The following SMARCA5 variants were observed in gnomAD, a reference collection of about 807,000 sequenced individuals.
SMARCA5 encodes the protein SWI/SNF-related matrix-associated actin-dependent regulator of chromatin subfamily A member 5.
Under a neutral mutation model 140.4 loss-of-function variants are expected in SMARCA5, and 18 were observed. That is an observed-to-expected ratio of 0.13 (90% CI 0.09 to 0.19). The LOEUF (loss-of-function observed/expected upper bound fraction) is 0.19. Among genes scored for constraint, SMARCA5 ranks in the 10% least tolerant of loss-of-function variants. The pLI, the probability that SMARCA5 is intolerant of heterozygous loss-of-function variation, is 1.00. For missense variants in SMARCA5, 606 were observed against 1,276.8 expected, an observed-to-expected ratio of 0.47 and a Z score of 8.01; for synonymous variants, 449 against 419.6, an observed-to-expected ratio of 1.07 and a Z score of -0.86.
At position 143,555,574 on chromosome 4, in the gene SMARCA5, T is replaced by G; in HGVS notation, c.*2390T>G. The G allele has an allele frequency of 1.6e-5, 5 of 308,856 alleles. No individual in the cohort carries two copies. The highest frequency in any genetic ancestry group is 2.5e-5 in the Non-Finnish European group (4 of 160,842). The allele number at this position is 308,856 out of a possible 1,614,324, so 19.1% of individuals were successfully genotyped here. Reference sequence around the variant, plus strand: ...TCATGATACTGAATAAATGTCTTTTTTTTTTTTTAACAACAAAGCATGAAA... The same window carrying G: ...TCATGATACTGAATAAATGTCTTTTGTTTTTTTTAACAACAAAGCATGAAA... On this transcript the variant is annotated 3_prime_UTR_variant, in exon 24 of 24. Coordinates refer to ENST00000283131, the MANE Select transcript of SMARCA5 (RefSeq NM_003601.4).
intron 19 of SMARCA5, 86 bp from the exon 20 acceptor site, chr4:143,546,690 T>C (rs781005828): frequency 1.3e-4 from 175 of 1,308,216 alleles, no homozygotes; most frequent in Non-Finnish European, 1.8e-4. Context: ...AAAATTTGTT[T>C]TTGTAATATT....
Position 143,556,965 on chromosome 4 carries a change from C to G in SMARCA5, c.*3781C>G, listed in dbSNP as rs1417346782. ...ATGAAGAAGTGGAATAGTTTCTCCA[C>G]AGGCATAAGAGGCAAAGCATTGTTT... On this transcript the variant is annotated 3_prime_UTR_variant, in exon 24 of 24. Transcript: ENST00000283131. The G allele has an allele frequency of 6.6e-6, 1 of 152,230 alleles. No homozygotes were observed. The highest frequency in any genetic ancestry group is 1.5e-5 in the Non-Finnish European group (1 of 68,046). 9.4% of individuals were successfully genotyped at this position (152,230 alleles called of 1,614,324 possible). A position where few individuals can be genotyped will look rare whatever the true frequency, so the allele number is the denominator to read the frequency against.
chr4:143,536,701 T>C, intron 11 of SMARCA5, 23 bp downstream of exon 11: 1 of 1,515,656 alleles, frequency 6.6e-7, no homozygotes, highest in South Asian at 1.1e-5. Context: ...CGTATCAAAT[T>C]ATCAAAACTG....
At chr4:143,517,301 G>A (rs1736860511) in intron 1 of SMARCA5, 54 bp from the exon 2 acceptor site, 1 of 1,324,330 alleles carries the variant, frequency 7.6e-7, no homozygotes, top group Non-Finnish European at 1.1e-6. Flanking sequence ...GGTCTATAAT[G>A]GTATGTTTAC....
Position 143,543,671 on chromosome 4 carries a change from T to C in SMARCA5, c.2052+14T>C, listed in dbSNP as rs2149823929. ...GGTGCAAAGAAGGTGAGATGTAGAT[T>C]AAATAATGCTTTTAATATAGAATGT... On this transcript the variant is annotated intron_variant, in intron 15 of 23. Transcript: ENST00000283131. 1 of 1,599,874 alleles carries C rather than the reference T, an allele frequency of 6.3e-7. No individual in the cohort carries two copies. The highest frequency in any genetic ancestry group is 1.1e-5 in the South Asian group (1 of 89,776).
In SMARCA5 at chr4:143,540,755, G is replaced by T. The variant is rs375209569; in HGVS notation, c.1903+260G>T. On this transcript the variant is annotated intron_variant, in intron 14 of 23. Transcript: ENST00000283131. Reference sequence around the variant, plus strand: ...GTTACATGAACCCATTTCCTCATCTGTTAAGTGGGGATAAAAATAACTACA... The same window carrying T: ...GTTACATGAACCCATTTCCTCATCTTTTAAGTGGGGATAAAAATAACTACA... Among the ~76,000 whole-genome samples, 6 of 152,280 alleles carry T rather than the reference G, an allele frequency of 3.9e-5. No homozygotes were observed. In the South Asian group the frequency reaches 1.2e-3, roughly 32 times the overall value.
rs1182926124 is a variant in SMARCA5 at position 143,513,920 on chromosome 4, ACAT to A, written c.-1_2del. ...GGCAGCAGCGGGTGACGCAGACGGA[ACAT>A]CATGTCGTCCGCGGCCGAGCCTCCG... On this transcript the variant is annotated 5_prime_UTR_variant, in exon 1 of 24. Coordinates refer to ENST00000283131, the MANE Select transcript of SMARCA5 (RefSeq NM_003601.4). 26 of 1,541,748 alleles carry A rather than the reference ACAT, an allele frequency of 1.7e-5. No homozygotes were observed. The highest frequency in any genetic ancestry group is 2.3e-5 in the Non-Finnish European group (26 of 1,150,602).
At chr4:143,515,352 A>G (rs758486327) in intron 1 of SMARCA5, among the ~76,000 whole-genome samples, 2 of 152,136 alleles carry the variant, frequency 1.3e-5, no homozygotes, top group Admixed American at 6.5e-5. Context: ...GATTAAGATA[A>G]GATTACTTCC....
chr4:143,523,208 G>A (rs978453599), intron 3 of SMARCA5, among the ~76,000 whole-genome samples: 7 of 152,016 alleles, frequency 4.6e-5, no homozygotes, highest in African/African-American at 1.7e-4. Flanking sequence ...TGTATTTTTG[G>A]TAGAGATGGG....
rs773110501 is a variant in SMARCA5, at chr4:143,543,948, A to T, written c.2148A>T (p.Gly716=). The T allele has an allele frequency of 1.9e-6, 3 of 1,586,070 alleles. No homozygotes were observed. The South Asian group carries it at 3.5e-5, about 19-fold the overall frequency. Residue 716 remains glycine, a synonymous_variant, in exon 16 of 24, where the codon GGA becomes GGT. Transcript: ENST00000283131. ...DTESSVYNFE[G]EDYREKQKIA... Reference sequence around the variant, plus strand: ...AGTCAAGTGTTTATAACTTCGAAGGAGAAGACTATAGAGAAAAACAAAAGG... The same window carrying T: ...AGTCAAGTGTTTATAACTTCGAAGGTGAAGACTATAGAGAAAAACAAAAGG...
intron 15 of SMARCA5, 80 bp downstream of exon 15, chr4:143,543,737 AATAATTTTATT>A: frequency 6.7e-7 from 1 of 1,502,566 alleles, no homozygotes; most frequent in South Asian, 1.2e-5. Context: ...ATTGATGATA[AATAATTTTATT>A]TCCTTAAAGA....
intron 2 of SMARCA5, among the ~76,000 whole-genome samples, chr4:143,520,209 G>A (rs989545503): frequency 6.6e-6 from 1 of 152,042 alleles, no homozygotes; most frequent in Non-Finnish European, 1.5e-5. Context: ...CAAACATCTT[G>A]TAGATGCGTG....
chr4:143,549,923 A>T, intron 22 of SMARCA5, 74 bp from the exon 23 acceptor site: 3 of 778,356 alleles, frequency 3.9e-6, no homozygotes, highest in Non-Finnish European at 6.5e-6. Context: ...CTATTAAAAC[A>T]TACCTTGTTT....
chr4:143,547,885 A>G (rs773254955), intron 21 of SMARCA5, 43 bp from the exon 22 acceptor site: 3 of 1,167,254 alleles, frequency 2.6e-6, no homozygotes, highest in South Asian at 3.3e-5. Context: ...TACAGATTAT[A>G]TAGGATTTGT....
intron 8 of SMARCA5, among the ~76,000 whole-genome samples, chr4:143,529,034 A>T (rs1737129685): frequency 6.6e-6 from 1 of 152,124 alleles, no homozygotes; most frequent in Admixed American, 6.5e-5. Context: ...TCCGGAATTC[A>T]GGTGATTCTT....
chr4:143,549,335 A>C (rs1737595492), intron 22 of SMARCA5, among the ~76,000 whole-genome samples: 1 of 152,102 alleles, frequency 6.6e-6, no homozygotes, highest in African/African-American at 2.4e-5. Flanking sequence ...ACTATAAGAA[A>C]AAAATAATTT....
chr4:143,532,633 T>C (rs754148231), intron 9 of SMARCA5, among the ~76,000 whole-genome samples: 22 of 152,184 alleles, frequency 1.4e-4, no homozygotes, highest in Non-Finnish European at 2.5e-4. Context: ...ATAACTCTTA[T>C]TTGATGTATT....
At chr4:143,540,736 T>A (rs557182032) in intron 14 of SMARCA5, among the ~76,000 whole-genome samples, 1 of 152,216 alleles carries the variant, frequency 6.6e-6, no homozygotes, top group Non-Finnish European at 1.5e-5. Flanking sequence ...TCTGGTTACA[T>A]GAACCCATTT....
intron 7 of SMARCA5, 57 bp downstream of exon 7, chr4:143,528,080 AT>A (rs945826049): frequency 5.2e-5 from 71 of 1,369,032 alleles, no homozygotes; most frequent in Admixed American, 8.2e-5. Context: ...TAAAGTACAG[AT>A]TTTTTTTTCT....
Sources: allele counts gnomAD v4.1 joint callset (sites outside exome capture counted in the v4.1 genomes callset), GRCh38; gene constraint gnomAD v4.1.1; transcripts MANE v1.5; gene names NCBI Gene and HGNC (gene_info 2026-07-23, HGNC 2026-07-21).